The following FSTL4 variants were observed in gnomAD, a reference collection of about 807,000 sequenced individuals.
FSTL4 encodes the protein follistatin like 4, also known as follistatin-related protein 4.
In FSTL4, 28 loss-of-function variants were observed where a neutral mutation model predicts 78.2. That is an observed-to-expected ratio of 0.36 (90% confidence interval 0.27 to 0.49). The LOEUF (loss-of-function observed/expected upper bound fraction) is 0.49. Ranked by LOEUF, FSTL4 falls within the 20% of genes least tolerant of loss-of-function variation. FSTL4 has a pLI of 0.98. For missense variants in FSTL4, 922 were observed against 1,084.9 expected (o/e 0.85, Z 2.11); for synonymous variants, 422 against 440.5 (o/e 0.96, Z 0.53).
chr5:133,600,148 A>G (rs189290960), intron 2 of FSTL4, among the ~76,000 whole-genome samples: 1 of 152,206 alleles, frequency 6.6e-6, no homozygotes, highest in Non-Finnish European at 1.5e-5. Flanking sequence ...GTGCCCATAC[A>G]TCCCTTCTGT....
chr5:133,642,231 TC>T, the FSTL4 span, among the ~76,000 whole-genome samples: 1 of 152,166 alleles, frequency 6.6e-6, no homozygotes, highest in African/African-American at 2.4e-5. Flanking sequence ...AAGGCTAGCT[TC>T]TGAGATAGAA....
At chr5:133,624,365 A>C in the FSTL4 span, among the ~76,000 whole-genome samples, 3 of 152,012 alleles carry the variant, frequency 2.0e-5, no homozygotes, top group African/African-American at 7.2e-5. Flanking sequence ...ATATTATATA[A>C]TTCTTTTAAT....
intron 3 of FSTL4, among the ~76,000 whole-genome samples, chr5:133,490,050 C>A (rs1423298195): frequency 1.3e-5 from 2 of 152,164 alleles, no homozygotes; most frequent in Non-Finnish European, 2.9e-5. Flanking sequence ...TTTGTCAAAT[C>A]AGTTTCTTGC....
chr5:133,349,541 G>A (rs913075857), intron 4 of FSTL4, among the ~76,000 whole-genome samples: 1 of 151,694 alleles, frequency 6.6e-6, no homozygotes, highest in Admixed American at 6.6e-5. Flanking sequence ...GCTGCCATGC[G>A]ACTGTAAAGG....
chr5:133,536,125 C>A (rs1011737968), intron 3 of FSTL4, among the ~76,000 whole-genome samples: 1 of 152,178 alleles, frequency 6.6e-6, no homozygotes, highest in South Asian at 2.1e-4. Flanking sequence ...ATGCACTGGT[C>A]TCTGGTTAGC....
intron 2 of FSTL4, among the ~76,000 whole-genome samples, chr5:133,601,652 T>A (rs1236300876): frequency 6.6e-6 from 1 of 152,026 alleles, no homozygotes; most frequent in African/African-American, 2.4e-5. Flanking sequence ...CTGTTTTCTT[T>A]TTTTTCCTTC....
intron 3 of FSTL4, among the ~76,000 whole-genome samples, chr5:133,420,885 T>C (rs1756678599): frequency 6.6e-6 from 1 of 152,246 alleles, no homozygotes; most frequent in Non-Finnish European, 1.5e-5. Context: ...ATTTGTGTTC[T>C]ATACGAGAAG....
chr5:133,666,865 T>C, the FSTL4 span, among the ~76,000 whole-genome samples: 4 of 152,230 alleles, frequency 2.6e-5, no homozygotes, highest in African/African-American at 4.8e-5. Flanking sequence ...TCTGAAAACA[T>C]TGCCACAGTT....
the FSTL4 span, among the ~76,000 whole-genome samples, chr5:133,651,134 TG>T: frequency 5.3e-5 from 8 of 152,206 alleles, no homozygotes; most frequent in Non-Finnish European, 8.8e-5. Flanking sequence ...AATTTTTTTT[TG>T]TCAGTTCATT....
At chr5:133,300,840 G>A (rs1753520069) in intron 6 of FSTL4, among the ~76,000 whole-genome samples, 1 of 152,046 alleles carries the variant, frequency 6.6e-6, no homozygotes, top group Non-Finnish European at 1.5e-5. Flanking sequence ...GTTTGGGTTT[G>A]AGAGAAAGCA....
At chr5:133,681,163 G>T in the FSTL4 span, among the ~76,000 whole-genome samples, 2 of 152,248 alleles carry the variant, frequency 1.3e-5, no homozygotes, top group Non-Finnish European at 2.9e-5. Flanking sequence ...AAAGCCCCAG[G>T]CTTGGCCTCC....
chr5:133,674,337 T>A, the FSTL4 span, among the ~76,000 whole-genome samples: 1 of 152,216 alleles, frequency 6.6e-6, no homozygotes. Flanking sequence ...CTTTTGGCTA[T>A]CTTCTTAATG....
the FSTL4 span, among the ~76,000 whole-genome samples, chr5:133,619,917 CT>C: frequency 6.6e-6 from 1 of 152,172 alleles, no homozygotes; most frequent in Non-Finnish European, 1.5e-5. Context: ...TAAATGTTAT[CT>C]TCTAAAATTG....
At chr5:133,603,322 C>T (rs1221453316) in intron 2 of FSTL4, among the ~76,000 whole-genome samples, 1 of 152,162 alleles carries the variant, frequency 6.6e-6, no homozygotes, top group Non-Finnish European at 1.5e-5. Context: ...ACAAGTTTTT[C>T]AAGCACTTTA....
Position 133,361,616 on chromosome 5 carries a change from CTG to C in FSTL4, c.409+39120_409+39121del. ...AAAAATTTCCCTAAAAATTTTGAGA[CTG>C]GGAATGTATAGCCATGAGGAAACCC... is the stretch of plus-strand genomic sequence containing the variant. On this transcript the variant is annotated intron_variant, in intron 4 of 15. Coordinates refer to ENST00000265342, the MANE Select transcript of FSTL4 (RefSeq NM_015082.2). The surrounding 1 kb of genome is among the most constrained non-coding windows in gnomAD (Gnocchi z 4.3). 6.6e-6 allele frequency among the ~76,000 whole-genome samples: 1 copy of C among 152,174 alleles called. No homozygotes were observed. The highest frequency in any genetic ancestry group is 3.2e-3 in the Middle Eastern group (1 of 316).
chr5:133,292,759 GA>G (rs1292911787), intron 6 of FSTL4, among the ~76,000 whole-genome samples: 19 of 147,052 alleles, frequency 1.3e-4, no homozygotes, highest in South Asian at 8.8e-4. Context: ...CCTCACAAGG[GA>G]AAAAAAAAAG....
intron 7 of FSTL4, among the ~76,000 whole-genome samples, chr5:133,245,584 G>A (rs1166684374): frequency 6.6e-6 from 1 of 152,208 alleles, no homozygotes. Flanking sequence ...CCCCAGAACA[G>A]TTGTTAGTGG....
At chr5:133,494,309 C>T (rs918497163) in intron 3 of FSTL4, among the ~76,000 whole-genome samples, 2 of 151,288 alleles carry the variant, frequency 1.3e-5, no homozygotes, top group Non-Finnish European at 2.9e-5. Flanking sequence ...CCACTGGGGC[C>T]TTAACACTAT....
the FSTL4 span, among the ~76,000 whole-genome samples, chr5:133,659,387 T>G: frequency 1.3e-5 from 2 of 152,088 alleles, no homozygotes. Flanking sequence ...CTTAAATTAC[T>G]GTCTTTCTGA....
Sources: gnomAD v4.1 joint callset for allele counts (sites outside exome capture counted in the v4.1 genomes callset) on GRCh38, gnomAD v4.1.1 for gene constraint, Gnocchi (gnomAD v3.1) non-coding constraint, MANE v1.5 for transcripts, NCBI Gene and HGNC (gene_info 2026-07-23, HGNC 2026-07-21) for gene names.